Variants in SLC27A2 observed in about 807,000 individuals in gnomAD.
The protein encoded by SLC27A2 is long-chain fatty acid transport protein 2.
A neutral mutation model predicts 60.0 loss-of-function variants in SLC27A2; 54 were observed. The observed-to-expected ratio is 0.90, with a 90% confidence interval of 0.72 to 1.13. The LOEUF is 1.13. Ranked by LOEUF, SLC27A2 falls within the 50% of genes most tolerant of loss-of-function variation. The pLI, the probability that SLC27A2 is intolerant of heterozygous loss-of-function variation, is 0.00. For missense variants in SLC27A2, 739 were observed against 777.6 expected, an observed-to-expected ratio of 0.95 and a Z score of 0.59; for synonymous variants, 297 against 297.6, an observed-to-expected ratio of 1.00 and a Z score of 0.02.
chr15:50,210,792 AGGGGGCACGGT>A, intron 4 of SLC27A2, among the ~76,000 whole-genome samples: 1 of 152,236 alleles, frequency 6.6e-6, no homozygotes, highest in African/African-American at 2.4e-5. Context: ...GGGGCCGTTG[AGGGGGCACGGT>A]GGGAGTGAGA....
chr15:50,197,190 A>C, intron 1 of SLC27A2, among the ~76,000 whole-genome samples: 1 of 151,974 alleles, frequency 6.6e-6, no homozygotes, highest in East Asian at 1.9e-4. Flanking sequence ...AAATGTAGTA[A>C]ATTTCATGTT....
chr15:50,201,952 C>G (rs374111699), intron 2 of SLC27A2, among the ~76,000 whole-genome samples: 1 of 152,232 alleles, frequency 6.6e-6, no homozygotes, highest in Non-Finnish European at 1.5e-5. Context: ...TAAGAAATCT[C>G]TCTGACTCTC....
At chr15:50,189,481 A>G (rs1364071195) in intron 1 of SLC27A2, among the ~76,000 whole-genome samples, 1 of 152,222 alleles carries the variant, frequency 6.6e-6, no homozygotes. Flanking sequence ...CCAGCCTAGT[A>G]GCCCAAGGAA....
intron 4 of SLC27A2, among the ~76,000 whole-genome samples, chr15:50,210,408 T>A (rs1207872621): frequency 1.3e-5 from 2 of 152,158 alleles, no homozygotes; most frequent in Non-Finnish European, 2.9e-5. Flanking sequence ...ACTTCCCGAC[T>A]TTACCTGGAG....
chr15:50,216,656 A>ATATAT (rs2045199399), intron 4 of SLC27A2, among the ~76,000 whole-genome samples: 2 of 115,660 alleles, frequency 1.7e-5, no homozygotes, highest in African/African-American at 6.5e-5. Flanking sequence ...ATATATATAT[A>ATATAT]GTATAGTTTG....
intron 5 of SLC27A2, 33 bp from the exon 6 acceptor site, chr15:50,225,955 G>T: frequency 7.2e-7 from 1 of 1,383,536 alleles, no homozygotes; most frequent in Non-Finnish European, 1.0e-6. Context: ...AATTATAAAA[G>T]ATTTATACTC....
chr15:50,216,537 G>T (rs1306892954), intron 4 of SLC27A2, among the ~76,000 whole-genome samples: 1 of 147,994 alleles, frequency 6.8e-6, no homozygotes, highest in Non-Finnish European at 1.5e-5. Flanking sequence ...ATTCACAATT[G>T]CAAAATCGTG....
chr15:50,231,957 G>T lies in SLC27A2; in HGVS notation c.1556-1911G>T, dbSNP rs182080823. Among the ~76,000 whole-genome samples, 19 of 152,346 alleles carry T rather than the reference G, an allele frequency of 1.2e-4. No individual in the cohort carries two copies. The South Asian group carries it at 1.5e-3, about 12-fold the overall frequency. On this transcript the variant is annotated intron_variant, in intron 8 of 9. Transcript: ENST00000267842. The stretch of plus-strand genomic sequence containing the variant: ...CAACTAGGGCATGTAAAGAGAGGCT[G>T]GATGTCCACCTGGGATCCTGGGAGA...
At chr15:50,186,320 T>C (rs943807952) in intron 1 of SLC27A2, among the ~76,000 whole-genome samples, 4 of 152,182 alleles carry the variant, frequency 2.6e-5, no homozygotes, top group African/African-American at 9.7e-5. Context: ...CCCAGGAATG[T>C]GTATTTTTAT....
intron 5 of SLC27A2, among the ~76,000 whole-genome samples, chr15:50,224,924 A>G (rs769740379): frequency 2.0e-5 from 3 of 152,114 alleles, no homozygotes; most frequent in Non-Finnish European, 2.9e-5. Flanking sequence ...CTAATGCTGT[A>G]TATTACCCAT....
Position 50,227,052 on chromosome 15 carries a change from A to C in SLC27A2, c.1331A>C (p.Gln444Pro), listed in dbSNP as rs377412232. The C allele has an allele frequency of 1.2e-6, 2 of 1,614,112 alleles. No individual in the cohort carries two copies. The highest frequency in any genetic ancestry group is 1.7e-6 in the Non-Finnish European group (2 of 1,180,040). ...AATGGCTATGCTGGAGCAAAGGCTC[A>C]GACAGAGAAGAAAAAACTGAGAGAT... ...PFNGYAGAKA[Q>P]TEKKKLRDVF... Residue 444 changes from glutamine to proline, a missense_variant, in exon 7 of 10, where the codon CAG (glutamine) becomes CCG (proline). Transcript: ENST00000267842.
At position 50,182,858 on chromosome 15, in the gene SLC27A2, T is replaced by A. The variant is rs540863847; in HGVS notation, c.431T>A (p.Leu144Gln). Residue 144 changes from leucine to glutamine, a missense_variant, in exon 1 of 10, where the codon CTG becomes CAG. Physicochemically the swap from Leu to Gln is moderately radical, Grantham distance 113 (BLOSUM62 -2). Transcript: ENST00000267842. ...TACAACATCCGCGCGAAGTCCCTGC[T>A]GCACTGCTTCCAGTGCTGCGGGGCG... ...LNYNIRAKSL[L>Q]HCFQCCGAKV... The A allele has an allele frequency of 7.9e-5, 127 of 1,613,008 alleles. No homozygotes were observed. Among genetic ancestry groups the A allele is most frequent in the East Asian group, 6.7e-5 (3 of 44,860 alleles).
chr15:50,206,981 AT>A (rs1029377760), intron 4 of SLC27A2, among the ~76,000 whole-genome samples: 2 of 152,044 alleles, frequency 1.3e-5, no homozygotes, highest in Non-Finnish European at 2.9e-5. Flanking sequence ...TCATTATTGA[AT>A]TTTTTTCACA....
intron 3 of SLC27A2, 75 bp downstream of exon 3, chr15:50,202,720 T>C: frequency 6.6e-7 from 1 of 1,508,738 alleles, no homozygotes; most frequent in South Asian, 1.2e-5. Flanking sequence ...ATACAAAATT[T>C]GGCTACGTTG....
intron 3 of SLC27A2, among the ~76,000 whole-genome samples, chr15:50,203,556 A>G (rs563043823): frequency 1.3e-5 from 2 of 152,312 alleles, no homozygotes; most frequent in East Asian, 3.9e-4. Flanking sequence ...TGAGCTAAAT[A>G]AACAACTTTT....
At chr15:50,232,578 G>A (rs546028456) in intron 8 of SLC27A2, among the ~76,000 whole-genome samples, 10 of 152,182 alleles carry the variant, frequency 6.6e-5, no homozygotes, top group Admixed American at 3.9e-4. Context: ...ACCACCCTCC[G>A]AGAGTTGGGG....
chr15:50,229,668 T>C (rs374718228), intron 8 of SLC27A2, among the ~76,000 whole-genome samples: 8 of 152,166 alleles, frequency 5.3e-5, no homozygotes, highest in African/African-American at 1.9e-4. Context: ...GTTAAGCTTG[T>C]CAAGAGAACA....
chr15:50,221,231 C>G (rs781508686), intron 4 of SLC27A2, among the ~76,000 whole-genome samples: 6 of 152,046 alleles, frequency 3.9e-5, no homozygotes, highest in Middle Eastern at 3.4e-3. Context: ...GATTCCTACT[C>G]AGTCTGAATG....
intron 9 of SLC27A2, 56 bp downstream of exon 9, chr15:50,234,054 T>G: frequency 1.4e-6 from 2 of 1,476,148 alleles, no homozygotes; most frequent in Non-Finnish European, 1.8e-6. Flanking sequence ...TTCCTACCAC[T>G]TAGGGAACAA....
Sources: gnomAD v4.1 joint callset for allele counts (sites outside exome capture counted in the v4.1 genomes callset) on GRCh38, gnomAD v4.1.1 for gene constraint, MANE v1.5 for transcripts, NCBI Gene and HGNC (gene_info 2026-07-23, HGNC 2026-07-21) for gene names.